CNTNAP2: variants seen among roughly 807,000 people sequenced by gnomAD.
The protein encoded by CNTNAP2 is contactin associated protein 2, also known as contactin-associated protein-like 2.
CNTNAP2 carries 98 observed loss-of-function variants against 155.2 expected under a neutral mutation model. The observed-to-expected ratio is 0.63, with a 90% CI of 0.54 to 0.75. The LOEUF is 0.75. Among genes scored for constraint, CNTNAP2 ranks in the 30% least tolerant of loss-of-function variants. The pLI is 0.00. For synonymous variants in CNTNAP2, 651 were observed against 631.2 expected (o/e 1.03, Z -0.47); for missense variants, 1,727 against 1,688.1 (o/e 1.02, Z -0.40).
At chr7:146,627,442 A>C (rs1563162723) in intron 1 of CNTNAP2, among the ~76,000 whole-genome samples, 1 of 152,182 alleles carries the variant, frequency 6.6e-6, no homozygotes, top group Non-Finnish European at 1.5e-5. Flanking sequence ...TGTATCTAGA[A>C]AAGAAAATGT....
intron 20 of CNTNAP2, among the ~76,000 whole-genome samples, chr7:148,251,534 A>G (rs1032619272): frequency 2.6e-5 from 4 of 152,116 alleles, no homozygotes; most frequent in African/African-American, 4.8e-5. Flanking sequence ...GGTGAACTCA[A>G]TCTCCAGTCC....
intron 13 of CNTNAP2, among the ~76,000 whole-genome samples, chr7:147,775,003 T>C (rs75541662): frequency 0.013 from 1,969 of 151,554 alleles, 97 homozygotes; most frequent in Admixed American, 0.088. Flanking sequence ...CTTATACCAC[T>C]CTATGTAGTA....
chr7:147,738,650 C>CTTTTTTTTTTTT (rs111611444), intron 13 of CNTNAP2, among the ~76,000 whole-genome samples: 1 of 57,544 alleles, frequency 1.7e-5, no homozygotes. Context: ...GTAAACATAA[C>CTTTTTTTTTTTT]TTTTTTTTTT....
chr7:147,300,052 A>G (rs1794913321), intron 8 of CNTNAP2, 89 bp from the exon 9 acceptor site: 4 of 1,394,590 alleles, frequency 2.9e-6, no homozygotes, highest in Non-Finnish European at 3.0e-6. Context: ...AAATACTTTT[A>G]TTTGTAAAAT....
chr7:147,927,773 G>T (rs1800423010), intron 14 of CNTNAP2, among the ~76,000 whole-genome samples: 2 of 152,212 alleles, frequency 1.3e-5, no homozygotes, highest in African/African-American at 4.8e-5. Context: ...TCTCAGACAA[G>T]TTAGAAAACC....
intron 8 of CNTNAP2, among the ~76,000 whole-genome samples, chr7:147,185,564 G>T (rs970229385): frequency 6.6e-6 from 1 of 152,080 alleles, no homozygotes; most frequent in Non-Finnish European, 1.5e-5. Flanking sequence ...TGTTAAGACT[G>T]AATTAACCAC....
At chr7:146,135,556 A>C (rs1187742477) in intron 1 of CNTNAP2, among the ~76,000 whole-genome samples, 2 of 152,124 alleles carry the variant, frequency 1.3e-5, no homozygotes, top group African/African-American at 4.8e-5. Flanking sequence ...TAGAGTTTCC[A>C]GGTTATTTAT....
At chr7:147,271,370 T>C (rs1020795145) in intron 8 of CNTNAP2, among the ~76,000 whole-genome samples, 1 of 152,176 alleles carries the variant, frequency 6.6e-6, no homozygotes, top group African/African-American at 2.4e-5. Flanking sequence ...AATGTCTTTA[T>C]ATGGAGTGTA....
intron 12 of CNTNAP2, among the ~76,000 whole-genome samples, chr7:147,573,779 A>G (rs1330074335): frequency 2.6e-5 from 4 of 152,146 alleles, no homozygotes; most frequent in Non-Finnish European, 5.9e-5. Flanking sequence ...GTGTTTATTT[A>G]TCCAAGAATG....
intron 15 of CNTNAP2, among the ~76,000 whole-genome samples, chr7:148,083,331 G>A (rs1042592429): frequency 6.6e-6 from 1 of 152,166 alleles, no homozygotes; most frequent in Non-Finnish European, 1.5e-5. Flanking sequence ...ATGACATAAG[G>A]TTGCAGAGTG....
intron 4 of CNTNAP2, among the ~76,000 whole-genome samples, chr7:147,055,824 C>G (rs1799551560): frequency 6.6e-6 from 1 of 152,072 alleles, no homozygotes; most frequent in Non-Finnish European, 1.5e-5. Flanking sequence ...TATGCCTGAT[C>G]CCCGAGGGAA....
chr7:146,507,302 C>T (rs1471848048), intron 1 of CNTNAP2, among the ~76,000 whole-genome samples: 1 of 152,208 alleles, frequency 6.6e-6, no homozygotes, highest in Non-Finnish European at 1.5e-5. Flanking sequence ...TTCTACAGTG[C>T]TCTCTGCACT....
At chr7:146,828,588 T>C (rs1803451800) in intron 2 of CNTNAP2, among the ~76,000 whole-genome samples, 1 of 152,102 alleles carries the variant, frequency 6.6e-6, no homozygotes, top group South Asian at 2.1e-4. Flanking sequence ...ACTACCTGCA[T>C]GTTCCTTTTA....
chr7:148,104,016 C>T lies in CNTNAP2; in HGVS notation c.2384-14102C>T, dbSNP rs557570522. On this transcript the variant is annotated intron_variant, in intron 15 of 23. Transcript: ENST00000361727. ...AAAATGCTTCTGTATGATGTTATTG[C>T]TTTAAATCATCACAAACCCTGTGAA... 1.1e-3 allele frequency among the ~76,000 whole-genome samples: 170 copies of T among 152,240 alleles called. 1 individual carries two copies. In the Middle Eastern group the frequency reaches 0.024, roughly 21 times the overall value.
intron 8 of CNTNAP2, among the ~76,000 whole-genome samples, chr7:147,178,816 A>T (rs539540403): frequency 7.7e-4 from 118 of 152,306 alleles, no homozygotes; most frequent in African/African-American, 2.7e-3. Context: ...CTTTAGTTTG[A>T]AAAAACAAAA....
intron 8 of CNTNAP2, among the ~76,000 whole-genome samples, chr7:147,285,396 C>A (rs756165798): frequency 2.6e-5 from 4 of 151,660 alleles, no homozygotes; most frequent in Non-Finnish European, 5.9e-5. Context: ...TATTATGGAA[C>A]CAAAATTTTG....
At chr7:146,349,357 G>A (rs993160729) in intron 1 of CNTNAP2, among the ~76,000 whole-genome samples, 7 of 152,092 alleles carry the variant, frequency 4.6e-5, no homozygotes, top group Non-Finnish European at 8.8e-5. Context: ...TATTTCACCC[G>A]GAACATAGTA....
chr7:147,042,137 T>C (rs1288472092), intron 3 of CNTNAP2, among the ~76,000 whole-genome samples: 1 of 152,232 alleles, frequency 6.6e-6, no homozygotes, highest in Non-Finnish European at 1.5e-5. Flanking sequence ...ATTCAAGACA[T>C]ACTGCTCAAA....
intron 1 of CNTNAP2, among the ~76,000 whole-genome samples, chr7:146,703,679 G>A (rs1800915329): frequency 6.6e-6 from 1 of 152,058 alleles, no homozygotes; most frequent in African/African-American, 2.4e-5. Flanking sequence ...TGGTAGAAGA[G>A]GAAAACGAGC....
Sources: gnomAD v4.1 joint callset for allele counts (sites outside exome capture counted in the v4.1 genomes callset) on GRCh38, gnomAD v4.1.1 for gene constraint, MANE v1.5 for transcripts, NCBI Gene and HGNC (gene_info 2026-07-23, HGNC 2026-07-21) for gene names.